FAM227B: variants seen among roughly 807,000 people sequenced by gnomAD.
FAM227B encodes family with sequence similarity 227 member B.
Under a neutral mutation model 73.8 loss-of-function variants are expected in FAM227B, and 88 were observed. The observed-to-expected ratio is 1.19, with a 90% CI of 1.00 to 1.42. The LOEUF (loss-of-function observed/expected upper bound fraction) is 1.42, where lower values mean the gene tolerates loss of function less well. Ranked by LOEUF, FAM227B falls within the 40% of genes most tolerant of loss-of-function variation. The probability of loss-of-function intolerance (pLI) is 0.00; values close to 1 mark genes in which losing one functional copy is unlikely to be tolerated. For missense variants in FAM227B, 632 were observed against 590.9 expected (o/e 1.07, Z -0.72); for synonymous variants, 210 against 190.5 (o/e 1.10, Z -0.84).
intron 9 of FAM227B, among the ~76,000 whole-genome samples, chr15:49,546,337 T>A (rs2152288437): frequency 6.6e-6 from 1 of 152,194 alleles, no homozygotes; most frequent in East Asian, 1.9e-4. Context: ...ATGTGCCACA[T>A]TTTCTTAATC....
chr15:49,502,192 C>T (rs1181415890), intron 11 of FAM227B, among the ~76,000 whole-genome samples: 3 of 152,190 alleles, frequency 2.0e-5, no homozygotes, highest in Admixed American at 6.5e-5. Flanking sequence ...CACAGAGTAC[C>T]CACTGGGGCA....
intron 7 of FAM227B, 175 bp downstream of exon 7, chr15:49,576,566 T>A: frequency 1.8e-6 from 1 of 551,530 alleles, no homozygotes; most frequent in Non-Finnish European, 3.2e-6. Flanking sequence ...GAGTTTAATA[T>A]ATTCTTTTCT....
intron 3 of FAM227B, among the ~76,000 whole-genome samples, chr15:49,601,540 G>C (rs1049875078): frequency 6.6e-6 from 1 of 151,708 alleles, no homozygotes; most frequent in Non-Finnish European, 1.5e-5. Context: ...ATATTTATGG[G>C]GTATATGAGA....
At chr15:49,469,940 C>T (rs536081626) in intron 11 of FAM227B, among the ~76,000 whole-genome samples, 1 of 152,202 alleles carries the variant, frequency 6.6e-6, no homozygotes, top group East Asian at 1.9e-4. Flanking sequence ...AAAGAATTCT[C>T]ACCTTCACAG....
chr15:49,530,751 T>C (rs1211393986), intron 10 of FAM227B, among the ~76,000 whole-genome samples: 1 of 151,768 alleles, frequency 6.6e-6, no homozygotes, highest in Non-Finnish European at 1.5e-5. Context: ...AAGATATATG[T>C]TAGACAAAAA....
At chr15:49,492,312 T>C (rs116014058) in intron 11 of FAM227B, among the ~76,000 whole-genome samples, 6 of 151,980 alleles carry the variant, frequency 3.9e-5, no homozygotes, top group African/African-American at 1.4e-4. Context: ...CTTCATCCCT[T>C]ATCCTTGAAA....
chr15:49,542,704 A>C (rs1462392438), intron 9 of FAM227B, among the ~76,000 whole-genome samples: 1 of 146,606 alleles, frequency 6.8e-6, no homozygotes. Flanking sequence ...ATTCCATTTT[A>C]TATATAAATA....
intron 11 of FAM227B, among the ~76,000 whole-genome samples, chr15:49,498,805 A>G (rs1385616319): frequency 1.3e-5 from 2 of 152,224 alleles, no homozygotes; most frequent in African/African-American, 4.8e-5. Flanking sequence ...AAACAAAAAG[A>G]GCAAGGGTTG....
intron 11 of FAM227B, among the ~76,000 whole-genome samples, chr15:49,409,620 G>A (rs1037400733): frequency 6.6e-6 from 1 of 151,580 alleles, no homozygotes; most frequent in East Asian, 1.9e-4. Flanking sequence ...CTCAATAAAT[G>A]CTGTTGTTGT....
chr15:49,599,593 C>T (rs2077070414), intron 3 of FAM227B, among the ~76,000 whole-genome samples: 1 of 152,032 alleles, frequency 6.6e-6, no homozygotes, highest in Non-Finnish European at 1.5e-5. Flanking sequence ...TCTTAGAAAT[C>T]CTTTGTTGCA....
chr15:49,526,916 A>C (rs1302218318), intron 10 of FAM227B, among the ~76,000 whole-genome samples: 1 of 151,928 alleles, frequency 6.6e-6, no homozygotes, highest in Non-Finnish European at 1.5e-5. Context: ...ACAACAAAAA[A>C]GTCCAGGACC....
chr15:49,593,964 T>A (rs943508400), intron 3 of FAM227B, among the ~76,000 whole-genome samples: 8 of 152,202 alleles, frequency 5.3e-5, no homozygotes, highest in Non-Finnish European at 1.0e-4. Context: ...GATTACTGGA[T>A]CAAATGGTAG....
chr15:49,577,508 C>T, intron 6 of FAM227B, 121 bp downstream of exon 6: 1 of 570,548 alleles, frequency 1.8e-6, no homozygotes, highest in Non-Finnish European at 3.1e-6. Flanking sequence ...TACCTGTTTC[C>T]AACTCTCTCC....
intron 2 of FAM227B, among the ~76,000 whole-genome samples, chr15:49,612,811 C>T (rs1247541898): frequency 6.6e-6 from 1 of 151,994 alleles, no homozygotes; most frequent in African/African-American, 2.4e-5. Context: ...AAAATAATTA[C>T]ATATTTGAAT....
intron 13 of FAM227B, among the ~76,000 whole-genome samples, chr15:49,355,392 T>A (rs1188058940): frequency 6.6e-6 from 1 of 152,108 alleles, no homozygotes; most frequent in African/African-American, 2.4e-5. Context: ...GAGAACTGCC[T>A]AAAGGAGCTA....
chr15:49,426,038 G>C (rs916516630), intron 11 of FAM227B, among the ~76,000 whole-genome samples: 1 of 151,178 alleles, frequency 6.6e-6, no homozygotes, highest in African/African-American at 2.4e-5. Context: ...TATTATCATG[G>C]ATAATATATA....
rs1360253820 is a variant in FAM227B, at chr15:49,390,623, GC to G, written c.1013-19225del. 3.3e-5 allele frequency among the ~76,000 whole-genome samples: 5 copies of G among 151,912 alleles called. No individual in the cohort carries two copies. In the South Asian group the frequency reaches 1.0e-3, roughly 32 times the overall value. On this transcript the variant is annotated intron_variant, in intron 11 of 15. Coordinates refer to ENST00000299338, the MANE Select transcript of FAM227B (RefSeq NM_152647.3). Reference sequence around the variant, plus strand: ...ATTTCACATTCTAACCTCATTTCAGGCTTTTATCCTCCCTCCTATCTCACTT... The same window carrying G: ...ATTTCACATTCTAACCTCATTTCAGGTTTTATCCTCCCTCCTATCTCACTT...
chr15:49,493,246 A>G lies in FAM227B; in HGVS notation c.1012+14965T>C, dbSNP rs148377421. On this transcript the variant is annotated intron_variant, in intron 11 of 15. Coordinates refer to ENST00000299338, the MANE Select transcript of FAM227B (RefSeq NM_152647.3). The stretch of plus-strand genomic sequence containing the variant: ...CTAAAATGTCATTTAAACTATGTCA[A>G]TTACCAATTGTAGAACCCATGTTGT... Among the ~76,000 whole-genome samples the G allele has an allele frequency of 2.0e-3, 304 of 152,062 alleles. 2 individuals carry two copies. Among genetic ancestry groups the G allele is most frequent in the African/African-American group, 7.0e-3 (291 of 41,550 alleles).
chr15:49,517,895 C>A (rs2059492092), intron 10 of FAM227B, among the ~76,000 whole-genome samples: 1 of 152,154 alleles, frequency 6.6e-6, no homozygotes, highest in African/African-American at 2.4e-5. Context: ...CATCTACTCA[C>A]TTGTATCTGG....
Sources: allele counts gnomAD v4.1 joint callset (sites outside exome capture counted in the v4.1 genomes callset), GRCh38; gene constraint gnomAD v4.1.1; transcripts MANE v1.5; gene names NCBI Gene and HGNC (gene_info 2026-07-23, HGNC 2026-07-21).